The following PCDHGA6 variants were observed in gnomAD, a reference collection of about 807,000 sequenced individuals.
PCDHGA6 encodes protocadherin gamma-A6.
Under a neutral mutation model 60.6 loss-of-function variants are expected in PCDHGA6, and 41 were observed. That is an observed-to-expected ratio of 0.68 (90% CI 0.53 to 0.88). The LOEUF (loss-of-function observed/expected upper bound fraction) is 0.88. Ranked by LOEUF, PCDHGA6 falls within the 40% of genes least tolerant of loss-of-function variation. The pLI, the probability that PCDHGA6 is intolerant of heterozygous loss-of-function variation, is 0.00. For synonymous variants in PCDHGA6, 594 were observed against 524.4 expected, an observed-to-expected ratio of 1.13 and a Z score of -1.81; for missense variants, 1,312 against 1,203.0, an observed-to-expected ratio of 1.09 and a Z score of -1.34.
intron 1 of PCDHGA6, chr5:141,417,666 G>C (rs1487166683): frequency 3.1e-5 from 28 of 917,486 alleles, no homozygotes; most frequent in Non-Finnish European, 4.2e-5. Context: ...GGGATTCCCT[G>C]CGCAGCCAAC....
intron 1 of PCDHGA6, among the ~76,000 whole-genome samples, chr5:141,429,377 GT>G (rs566693637): frequency 1.3e-4 from 20 of 149,526 alleles, no homozygotes; most frequent in South Asian, 8.5e-4. Flanking sequence ...GAGAAAATGT[GT>G]TTTTTTTTTA....
At chr5:141,417,680 A>G (rs1236124418) in intron 1 of PCDHGA6, 21 of 1,016,072 alleles carry the variant, frequency 2.1e-5, no homozygotes, top group Non-Finnish European at 2.9e-5. Context: ...AGCCAACAAC[A>G]GAAAAGAAAA....
chr5:141,408,338 G>C, intron 1 of PCDHGA6: 1 of 1,613,958 alleles, frequency 6.2e-7, no homozygotes, highest in Non-Finnish European at 8.5e-7. Context: ...CAAGGGCTCG[G>C]TGGTGGGGAA....
intron 1 of PCDHGA6, among the ~76,000 whole-genome samples, chr5:141,463,489 C>T (rs1190438683): frequency 7.2e-6 from 1 of 138,270 alleles, no homozygotes; most frequent in African/African-American, 2.8e-5. Context: ...CGCTCTGTCA[C>T]CCAGGCTGGA....
chr5:141,394,321 C>T lies in PCDHGA6; in HGVS notation c.2424+17814C>T, dbSNP rs11575959. ...ACGCTGCAGGGGGCGCCCCTGTCCT[C>T]GTATATCTCCATCAACTCTGACACC... On this transcript the variant is annotated intron_variant, in intron 1 of 3. Coordinates refer to ENST00000517434, the MANE Select transcript of PCDHGA6 (RefSeq NM_018919.3). 25 of 1,613,846 alleles carry T rather than the reference C, an allele frequency of 1.5e-5. No homozygotes were observed. The Admixed American group carries it at 2.7e-4, about 17-fold the overall frequency.
In PCDHGA6 at chr5:141,485,507, G is replaced by A. The variant is rs766643911; in HGVS notation, c.2425-9300G>A. 6.8e-6 allele frequency: 11 copies of A among 1,614,174 alleles called. No homozygotes were observed. Among genetic ancestry groups the A allele is most frequent in the Non-Finnish European group, 8.5e-6 (10 of 1,180,036 alleles). ...CGTGCCCCTGGAGTTTGTCACCGAA[G>A]GTCCTTTGGAAATGTACCGAGCAGA... On this transcript the variant is annotated intron_variant, in intron 1 of 3. Transcript: ENST00000517434. The surrounding 1 kb of genome is among the most constrained non-coding windows in gnomAD (Gnocchi z 5.7).
chr5:141,496,146 G>T (rs749790409), intron 2 of PCDHGA6, among the ~76,000 whole-genome samples: 1 of 151,170 alleles, frequency 6.6e-6, no homozygotes, highest in South Asian at 2.1e-4. Flanking sequence ...GCCTTTGATC[G>T]CAGCTCTCCA....
At chr5:141,500,326 A>T (rs1041431019) in intron 2 of PCDHGA6, among the ~76,000 whole-genome samples, 7 of 152,022 alleles carry the variant, frequency 4.6e-5, no homozygotes, top group Non-Finnish European at 1.0e-4. Context: ...CTCCTGCCTC[A>T]GCCTCCAGAA....
intron 1 of PCDHGA6, chr5:141,399,834 G>C (rs375768001): frequency 2.4e-5 from 39 of 1,613,004 alleles, no homozygotes; most frequent in Non-Finnish European, 2.9e-5. Flanking sequence ...ACGGCTCTGC[G>C]CTCTTCGATA....
intron 1 of PCDHGA6, among the ~76,000 whole-genome samples, chr5:141,425,485 A>G (rs2096878362): frequency 6.6e-6 from 1 of 152,274 alleles, no homozygotes; most frequent in Non-Finnish European, 1.5e-5. Context: ...ATGGCAACCT[A>G]CTAGGCTATA....
At chr5:141,420,651 T>A (rs1357679146) in intron 1 of PCDHGA6, among the ~76,000 whole-genome samples, 1 of 152,274 alleles carries the variant, frequency 6.6e-6, no homozygotes, top group East Asian at 1.9e-4. Flanking sequence ...GTAAGAATTA[T>A]AGTTAGGCAT....
intron 1 of PCDHGA6, chr5:141,394,701 C>A (rs375281416): frequency 5.0e-6 from 8 of 1,613,162 alleles, no homozygotes; most frequent in Non-Finnish European, 6.8e-6. Flanking sequence ...GCGCACGGCG[C>A]GAGCCCTGCT....
At chr5:141,382,912 C>A (rs771685139) in intron 1 of PCDHGA6, 1 of 1,552,238 alleles carries the variant, frequency 6.4e-7, no homozygotes. Flanking sequence ...GGCGGCTCAG[C>A]CGAGGGGCGG....
rs2099610288 is a variant in PCDHGA6, at chr5:141,485,252, G to A, written c.2425-9555G>A. ...GTTCCTCTTTTACCACCTGGGTTAC[G>A]TTTGTGGGCAGATCCGCTACCCGGT... On this transcript the variant is annotated intron_variant, in intron 1 of 3. Coordinates refer to ENST00000517434, the MANE Select transcript of PCDHGA6 (RefSeq NM_018919.3). This position sits in a 1 kb window ranked among gnomAD's most constrained non-coding sequence, Gnocchi z 5.7. 6.2e-7 allele frequency: 1 copy of A among 1,614,042 alleles called. No individual in the cohort carries two copies. The highest frequency in any genetic ancestry group is 1.7e-5 in the Admixed American group (1 of 60,008).
At chr5:141,510,845 C>T (rs2099883036) in intron 3 of PCDHGA6, 102 bp from the exon 4 acceptor site, 3 of 1,593,960 alleles carry the variant, frequency 1.9e-6, no homozygotes, top group Non-Finnish European at 2.6e-6. Context: ...TGGTCAAGGC[C>T]CAGGGTGCTG....
At chr5:141,418,632 G>A in intron 1 of PCDHGA6, 1 of 1,614,028 alleles carries the variant, frequency 6.2e-7, no homozygotes, top group Non-Finnish European at 8.5e-7. Flanking sequence ...GTGCCTCCAG[G>A]CACCTCCATC....
intron 1 of PCDHGA6, chr5:141,394,183 A>G: frequency 1.2e-6 from 2 of 1,613,702 alleles, no homozygotes; most frequent in Non-Finnish European, 1.7e-6. Context: ...CATGCCTCCT[A>G]CTCAGCGTAT....
intron 1 of PCDHGA6, among the ~76,000 whole-genome samples, chr5:141,475,629 C>T (rs77593456): frequency 0.054 from 8,157 of 152,234 alleles, 446 homozygotes; most frequent in African/African-American, 0.15. Flanking sequence ...TGGTTCGATC[C>T]CCTTTCTTGT....
At chr5:141,382,317 GTAAA>G (rs1482634443) in intron 1 of PCDHGA6, among the ~76,000 whole-genome samples, 1 of 152,160 alleles carries the variant, frequency 6.6e-6, no homozygotes, top group Non-Finnish European at 1.5e-5. Flanking sequence ...ATACACTGAT[GTAAA>G]TATTTTCTAA....
Sources: allele counts gnomAD v4.1 joint callset (sites outside exome capture counted in the v4.1 genomes callset), GRCh38; gene constraint gnomAD v4.1.1; non-coding constraint Gnocchi (gnomAD v3.1); transcripts MANE v1.5; gene names NCBI Gene and HGNC (gene_info 2026-07-23, HGNC 2026-07-21).